TUT4: variants seen among roughly 807,000 people sequenced by gnomAD.
The protein encoded by TUT4 is terminal uridylyltransferase 4.
In TUT4, 36 loss-of-function variants were observed where a neutral mutation model predicts 192.2. The ratio of observed to expected loss-of-function variants is 0.19; its 90% CI spans 0.14 to 0.25. TUT4 has a LOEUF of 0.25. TUT4 is among the 10% of genes least tolerant of loss of function. TUT4 has a pLI of 1.00. For synonymous variants in TUT4, 618 were observed against 666.0 expected (o/e 0.93, Z 1.11); for missense variants, 1,493 against 1,957.2 (o/e 0.76, Z 4.47).
intron 4 of TUT4, among the ~76,000 whole-genome samples, chr1:52,507,686 T>G (rs1377302558): frequency 6.6e-6 from 1 of 152,192 alleles, no homozygotes; most frequent in Non-Finnish European, 1.5e-5. Flanking sequence ...ACCAACATGA[T>G]GCTCAAAGGA....
intron 20 of TUT4, among the ~76,000 whole-genome samples, chr1:52,453,239 G>A (rs905380029): frequency 2.6e-5 from 4 of 151,924 alleles, no homozygotes; most frequent in Admixed American, 6.6e-5. Context: ...AAAATTAGCC[G>A]GGCATGGTGG....
At chr1:52,472,197 G>A in intron 13 of TUT4, 95 bp from the exon 14 acceptor site, 1 of 1,147,940 alleles carries the variant, frequency 8.7e-7, no homozygotes, top group Non-Finnish European at 1.2e-6. Flanking sequence ...ATGTAACTCA[G>A]TTTTGATAAC....
At chr1:52,448,488 C>T (rs891416534) in intron 20 of TUT4, among the ~76,000 whole-genome samples, 5 of 145,306 alleles carry the variant, frequency 3.4e-5, no homozygotes, top group Non-Finnish European at 6.0e-5. Flanking sequence ...ACTTGGGAGG[C>T]GGAGGCAGGA....
At chr1:52,505,712 G>A (rs1010679639) in intron 4 of TUT4, among the ~76,000 whole-genome samples, 11 of 151,744 alleles carry the variant, frequency 7.2e-5, no homozygotes, top group African/African-American at 1.7e-4. Context: ...ATGATCCACC[G>A]CACCTGGCTG....
chr1:52,475,284 C>T lies in TUT4; in HGVS notation c.2275G>A (p.Glu759Lys). 2 of 1,614,066 alleles carry T rather than the reference C, an allele frequency of 1.2e-6. No individual in the cohort carries two copies. The highest frequency in any genetic ancestry group is 1.7e-6 in the Non-Finnish European group (2 of 1,180,014). Residue 759 changes from glutamate (E) to lysine (K), a missense_variant, in exon 13 of 30, where the codon GAA becomes AAA. By Grantham distance (56) the Glu-to-Lys change is moderately conservative. Around this residue, in one of 7 missense-constraint regions of TUT4, gnomAD observed 245 missense variants for 218.4 expected, o/e 1.12. Coordinates refer to ENST00000257177, the MANE Select transcript of TUT4 (RefSeq NM_001009881.3). ...TCACATTGAACAGGTTGCTCTCTTT[C>T]TGCATTTATTTTTTCTGTGGTTTCC... ...LGETTEKINA[E>K]REQPVQCDEM...
Position 52,435,356 on chromosome 1 carries a change from A to G in TUT4, c.4263+9T>C. 6.2e-7 allele frequency: 1 copy of G among 1,607,552 alleles called. No individual in the cohort carries two copies. Among genetic ancestry groups the G allele is most frequent in the Non-Finnish European group, 8.5e-7 (1 of 1,174,898 alleles). On this transcript the variant is annotated intron_variant, in intron 27 of 29. Transcript: ENST00000257177. Reference sequence around the variant, plus strand: ...TCAAGACTAACACATTCACAGGCAGAGTACTTACACATTCTGATGACTGTC... The same window carrying G: ...TCAAGACTAACACATTCACAGGCAGGGTACTTACACATTCTGATGACTGTC...
At chr1:52,546,501 C>T (rs1265333591) in intron 1 of TUT4, among the ~76,000 whole-genome samples, 3 of 151,966 alleles carry the variant, frequency 2.0e-5, no homozygotes, top group Non-Finnish European at 1.5e-5. Context: ...ATCGTAAAGA[C>T]AGAATAGTGG....
intron 2 of TUT4, 44 bp downstream of exon 2, chr1:52,525,519 T>C (rs1681519785): frequency 3.2e-6 from 5 of 1,560,180 alleles, no homozygotes; most frequent in Non-Finnish European, 4.3e-6. Flanking sequence ...GGGGATAATC[T>C]AAAGAACATT....
At chr1:52,424,178 C>CCTGT (rs1439877616) in intron 29 of TUT4, 176 bp from the exon 30 acceptor site, 1 of 614,746 alleles carries the variant, frequency 1.6e-6, no homozygotes, top group Non-Finnish European at 2.8e-6. Flanking sequence ...GAAGGAAATA[C>CCTGT]CTGTATGTGA....
chr1:52,523,035 C>T (rs1030976161), intron 2 of TUT4, among the ~76,000 whole-genome samples: 1 of 135,724 alleles, frequency 7.4e-6, no homozygotes, highest in Non-Finnish European at 1.5e-5. Context: ...CTCTGTCATC[C>T]AGGCTGGAGT....
intron 4 of TUT4, among the ~76,000 whole-genome samples, chr1:52,497,589 G>C (rs1672780253): frequency 1.3e-5 from 2 of 152,190 alleles, no homozygotes; most frequent in African/African-American, 2.4e-5. Context: ...ATGGTCACAG[G>C]AAAACTTCCT....
At chr1:52,437,969 T>TAAAAAC (rs1398784716) in intron 25 of TUT4, among the ~76,000 whole-genome samples, 4 of 150,038 alleles carry the variant, frequency 2.7e-5, no homozygotes, top group East Asian at 2.0e-4. Context: ...AAAACAAAAA[T>TAAAAAC]AAAAACAAAA....
rs147052503 is a variant in TUT4, at chr1:52,461,445, C to T, written c.3231+68G>A. 6.6e-4 allele frequency: 948 copies of T among 1,441,164 alleles called. 5 individuals are homozygous for T. In the African/African-American group the frequency reaches 0.011, roughly 17 times the overall value. The allele number at this position is 1,441,164 out of a possible 1,614,324, so 89.3% of individuals were successfully genotyped here. A position where few individuals can be genotyped will look rare whatever the true frequency, so the allele number is the denominator to read the frequency against. ...ACTGTTCACATTTGAAAGTTTTAAA[C>T]ATAGAGTCAGTAATCTGTAAACTTT... On this transcript the variant is annotated intron_variant, in intron 18 of 29. Transcript: ENST00000257177.
intron 2 of TUT4, among the ~76,000 whole-genome samples, chr1:52,518,767 T>TA (rs1679381734): frequency 6.6e-6 from 1 of 152,114 alleles, no homozygotes; most frequent in Non-Finnish European, 1.5e-5. Flanking sequence ...GGCAAATACA[T>TA]AGAAACAGAA....
chr1:52,498,968 T>A (rs1673353721), intron 4 of TUT4, among the ~76,000 whole-genome samples: 1 of 106,094 alleles, frequency 9.4e-6, no homozygotes, highest in African/African-American at 3.8e-5. Flanking sequence ...ATGACATTTT[T>A]CACAGAAATA....
chr1:52,553,445 G>A (rs1418424707), upstream of TUT4: 6 of 151,906 alleles, frequency 3.9e-5, no homozygotes, highest in African/African-American at 1.5e-4. Context: ...CCACGCGGAG[G>A]GAAGGGAGCG....
intron 20 of TUT4, among the ~76,000 whole-genome samples, chr1:52,457,966 C>CA (rs1357499799): frequency 3.9e-5 from 6 of 152,244 alleles, no homozygotes; most frequent in African/African-American, 1.4e-4. Context: ...TGCCAGGCAA[C>CA]AGGAGGGAAA....
chr1:52,513,246 C>A (rs1270533483), intron 3 of TUT4, among the ~76,000 whole-genome samples: 3 of 149,894 alleles, frequency 2.0e-5, no homozygotes, highest in Non-Finnish European at 4.4e-5. Context: ...TAAAAAAATA[C>A]AAAAAACTAG....
chr1:52,481,597 C>T lies in TUT4; in HGVS notation c.1674G>A (p.Gln558=), dbSNP rs1210883958. The T allele has an allele frequency of 6.2e-7, 1 of 1,613,134 alleles. No individual in the cohort carries two copies. The highest frequency in any genetic ancestry group is 1.1e-5 in the South Asian group (1 of 91,050). The change falls in exon 11 of 30, where the codon CAG becomes CAA. Residue 558 remains glutamine, a synonymous_variant. Transcript: ENST00000257177. The part of the protein sequence containing the change: ...GFDPKRMDDF[Q]LKGIVEEKFV... ...ACTTCTCTTCTACTATGCCCTTCAG[C>T]TGAAAGTCATCCATTCTTTTTGGGT...
Sources: allele counts gnomAD v4.1 joint callset (sites outside exome capture counted in the v4.1 genomes callset), GRCh38; gene constraint gnomAD v4.1.1; regional missense constraint gnomAD v4.1.1; transcripts MANE v1.5; gene names NCBI Gene and HGNC (gene_info 2026-07-23, HGNC 2026-07-21).